Variants in ZNF385C observed in about 807,000 individuals in gnomAD.
ZNF385C encodes the protein CTD-2132N18.2.
ZNF385C carries 28 observed loss-of-function variants against 35.4 expected under a neutral mutation model. The observed-to-expected ratio is 0.79, with a 90% confidence interval of 0.59 to 1.08. The LOEUF (loss-of-function observed/expected upper bound fraction) is 1.08. Among genes scored for constraint, ZNF385C ranks in the 50% least tolerant of loss-of-function variants. The probability of loss-of-function intolerance (pLI) is 0.00; values close to 1 mark genes in which losing one functional copy is unlikely to be tolerated. For synonymous variants in ZNF385C, 248 were observed against 248.2 expected (o/e 1.00, Z 0.01); for missense variants, 605 against 595.6 (o/e 1.02, Z -0.16).
chr17:42,026,718 A>G lies in ZNF385C; in HGVS notation c.*179T>C. On this transcript the variant is annotated 3_prime_UTR_variant, in exon 9 of 9. Coordinates refer to ENST00000692273, the MANE Select transcript of ZNF385C (RefSeq NM_001392013.1). Reference sequence around the variant, plus strand: ...TTAACCCTGGAAGGCCTGCGAAAGGAGGGTGGGGACAGTCCTTGGAAGGCA... The same window carrying G: ...TTAACCCTGGAAGGCCTGCGAAAGGGGGGTGGGGACAGTCCTTGGAAGGCA... 1.5e-6 allele frequency: 1 copy of G among 657,442 alleles called. No individual in the cohort carries two copies. The allele number at this position is 657,442 out of a possible 1,614,324, so 40.7% of individuals were successfully genotyped here.
At chr17:42,060,935 G>A (rs781871343) in intron 2 of ZNF385C, among the ~76,000 whole-genome samples, 2 of 151,604 alleles carry the variant, frequency 1.3e-5, no homozygotes, top group African/African-American at 2.4e-5. Flanking sequence ...GGCTGGTCTC[G>A]AACTCCTGAG....
At chr17:42,056,880 C>T (rs1238256963) in intron 2 of ZNF385C, among the ~76,000 whole-genome samples, 1 of 152,148 alleles carries the variant, frequency 6.6e-6, no homozygotes, top group Non-Finnish European at 1.5e-5. Context: ...ATCCATTAAA[C>T]CTCTTTCTTT....
At chr17:42,082,280 C>T (rs1220146668) in intron 1 of ZNF385C, among the ~76,000 whole-genome samples, 4 of 152,036 alleles carry the variant, frequency 2.6e-5, no homozygotes, top group East Asian at 1.9e-4. Context: ...CTCAGTGATC[C>T]GCTCGCCTCA....
At chr17:42,071,627 C>A (rs1555658822) in intron 1 of ZNF385C, among the ~76,000 whole-genome samples, 2 of 148,318 alleles carry the variant, frequency 1.3e-5, no homozygotes, top group African/African-American at 5.3e-5. Flanking sequence ...TCCATACCCC[C>A]TGTCCTTGCC....
In ZNF385C at chr17:42,040,159, C is replaced by T. The variant is rs1288135185; in HGVS notation, c.251-2274G>A. The T allele has an allele frequency of 1.2e-5, 15 of 1,231,396 alleles. No individual in the cohort carries two copies. The Admixed American group carries it at 4.6e-4, about 38-fold the overall frequency. 76.3% of individuals were successfully genotyped at this position (1,231,396 alleles called of 1,614,324 possible). ...CAGCTCCTCCGGCGCCTGCGGGTAG[C>T]GTCGGGGGTCGAAGATCGCTGCGAA... On this transcript the variant is annotated intron_variant, in intron 2 of 8. Coordinates refer to ENST00000692273, the MANE Select transcript of ZNF385C (RefSeq NM_001392013.1).
At chr17:42,088,657 C>T (rs1229250398) in intron 1 of ZNF385C, among the ~76,000 whole-genome samples, 2 of 152,184 alleles carry the variant, frequency 1.3e-5, no homozygotes, top group African/African-American at 4.8e-5. Context: ...TTCTTGGTCT[C>T]GACTCTGTAC....
chr17:42,046,119 G>C (rs782691247), intron 2 of ZNF385C, among the ~76,000 whole-genome samples: 10 of 152,244 alleles, frequency 6.6e-5, no homozygotes, highest in African/African-American at 2.4e-4. Flanking sequence ...CCATCCTCTA[G>C]TTCCCCACAG....
In ZNF385C at chr17:42,062,943, C is replaced by T. The variant is rs1555658127; in HGVS notation, c.114G>A (p.Lys38=). ...PEPPKPKRER[K]RPSYTLCDVC... is the part of the protein sequence containing the mutation. ...CATCACAGAGCGTGTACGATGGCCG[C>T]TTTCTTTCTCGCTTGGGCTTAGGTG... Residue 38 remains lysine (K), a synonymous_variant, in exon 2 of 9, where the codon AAG becomes AAA. Coordinates refer to ENST00000692273, the MANE Select transcript of ZNF385C (RefSeq NM_001392013.1). 7.2e-6 allele frequency: 5 copies of T among 696,590 alleles called. No individual in the cohort carries two copies. Among genetic ancestry groups the T allele is most frequent in the Non-Finnish European group, 1.3e-5 (5 of 382,050 alleles). The allele number at this position is 696,590 out of a possible 1,614,324, so 43.2% of individuals were successfully genotyped here.
chr17:42,026,860 G>A lies in ZNF385C; in HGVS notation c.*37C>T, dbSNP rs1555654221. The A allele has an allele frequency of 3.9e-6, 6 of 1,545,010 alleles. No homozygotes were observed. In the South Asian group the frequency reaches 4.7e-5, roughly 12 times the overall value. ...CTCAGGACAGGAGGAGACAAGGAGT[G>A]GCTATTGGGAAATCAGCTCTGGCCT... On this transcript the variant is annotated 3_prime_UTR_variant, in exon 9 of 9. Coordinates refer to ENST00000692273, the MANE Select transcript of ZNF385C (RefSeq NM_001392013.1).
At chr17:42,033,719 C>T (rs868942021) in intron 4 of ZNF385C, among the ~76,000 whole-genome samples, 84 of 152,324 alleles carry the variant, frequency 5.5e-4, no homozygotes, top group African/African-American at 2.0e-3. Context: ...CGCCACTGCA[C>T]TCCCGCCTGG....
At chr17:42,030,389 G>C (rs1555654886) in intron 5 of ZNF385C, among the ~76,000 whole-genome samples, 1 of 152,152 alleles carries the variant, frequency 6.6e-6, no homozygotes, top group Admixed American at 6.5e-5. Context: ...TTGGAAGGCT[G>C]AGGTAGGAGA....
intron 2 of ZNF385C, among the ~76,000 whole-genome samples, chr17:42,046,250 T>C (rs553348149): frequency 6.6e-6 from 1 of 152,148 alleles, no homozygotes; most frequent in South Asian, 2.1e-4. Context: ...CGTAAGTCCC[T>C]GTCTGGGGCT....
At chr17:42,054,266 G>T (rs1258095901) in intron 2 of ZNF385C, among the ~76,000 whole-genome samples, 2 of 152,238 alleles carry the variant, frequency 1.3e-5, no homozygotes, top group Non-Finnish European at 2.9e-5. Flanking sequence ...AGGAGGAGCT[G>T]CTGGTCCTGC....
At chr17:42,053,317 G>A (rs1337222651) in intron 2 of ZNF385C, among the ~76,000 whole-genome samples, 2 of 152,188 alleles carry the variant, frequency 1.3e-5, no homozygotes, top group Non-Finnish European at 2.9e-5. Context: ...GAGGTGAGCT[G>A]GGAGACCACA....
chr17:42,065,953 T>C (rs1332946652), intron 1 of ZNF385C, among the ~76,000 whole-genome samples: 1 of 152,152 alleles, frequency 6.6e-6, no homozygotes, highest in Non-Finnish European at 1.5e-5. Context: ...TCAATAACAG[T>C]TCCTAAGTCA....
At chr17:42,061,243 C>G (rs1323554952) in intron 2 of ZNF385C, 16 of 79,384 alleles carry the variant, frequency 2.0e-4, no homozygotes, top group African/African-American at 7.7e-4. Context: ...TTTTTTGAGA[C>G]AGGGTCTCAC....
chr17:42,079,200 AAAAAT>A (rs1173247081), intron 1 of ZNF385C, among the ~76,000 whole-genome samples: 43 of 116,906 alleles, frequency 3.7e-4, no homozygotes, highest in African/African-American at 1.1e-3. Context: ...AAAAAAAAAA[AAAAAT>A]ATATATATAT....
At chr17:42,059,621 G>GTTGT (rs35409215) in intron 2 of ZNF385C, among the ~76,000 whole-genome samples, 144,453 of 151,300 alleles carry the variant, frequency 0.95, 69,020 homozygotes, top group Admixed American at 0.98. Context: ...TTTTGTTGTT[G>GTTGT]TTGTTTGTTT....
intron 2 of ZNF385C, among the ~76,000 whole-genome samples, chr17:42,041,518 A>G (rs1377786206): frequency 1.3e-5 from 2 of 152,128 alleles, no homozygotes; most frequent in Non-Finnish European, 2.9e-5. Flanking sequence ...GCTTGTTGTG[A>G]ATTATAAACA....
Sources: gnomAD v4.1 joint callset for allele counts (sites outside exome capture counted in the v4.1 genomes callset) on GRCh38, gnomAD v4.1.1 for gene constraint, MANE v1.5 for transcripts, NCBI Gene and HGNC (gene_info 2026-07-23, HGNC 2026-07-21) for gene names.